Variants in GLMN observed in about 807,000 individuals in gnomAD.
The protein encoded by GLMN is glomulin.
A neutral mutation model predicts 87.8 loss-of-function variants in GLMN; 75 were observed. The observed-to-expected ratio is 0.85, with a 90% CI of 0.71 to 1.04. GLMN has a LOEUF of 1.04. Ranked by LOEUF, GLMN falls within the 50% of genes least tolerant of loss-of-function variation. The probability of loss-of-function intolerance (pLI) is 0.00; values close to 1 mark genes in which losing one functional copy is unlikely to be tolerated. For synonymous variants in GLMN, 206 were observed against 221.6 expected, an observed-to-expected ratio of 0.93 and a Z score of 0.63; for missense variants, 588 against 658.8, an observed-to-expected ratio of 0.89 and a Z score of 1.18.
At chr1:92,362,931 A>T in the GLMN span, among the ~76,000 whole-genome samples, 2 of 152,182 alleles carry the variant, frequency 1.3e-5, no homozygotes, top group African/African-American at 4.8e-5. Flanking sequence ...CAACTTTTAC[A>T]TGCTCCAAAA....
intron 7 of GLMN, among the ~76,000 whole-genome samples, chr1:92,281,032 A>G (rs574166145): frequency 3.3e-5 from 5 of 152,370 alleles, no homozygotes; most frequent in South Asian, 2.1e-4. Context: ...GAACAAAGTT[A>G]GAAAACACTC....
At position 92,290,360 on chromosome 1, in the gene GLMN, CATT is replaced by C. The variant is rs910641720; in HGVS notation, c.286-57_286-55del. 8.8e-6 allele frequency: 9 copies of C among 1,025,066 alleles called. No homozygotes were observed. In the Admixed American group the frequency reaches 1.4e-4, roughly 16 times the overall value. The allele number at this position is 1,025,066 out of a possible 1,614,324, so 63.5% of individuals were successfully genotyped here. On this transcript the variant is annotated intron_variant, in intron 4 of 18. Coordinates refer to ENST00000370360, the MANE Select transcript of GLMN (RefSeq NM_053274.3). ...TTAATACAAGTTGTATTTAAAGCCA[CATT>C]ATTACTATTTTTAAGAAGGCATGTA...
In GLMN at chr1:92,266,670, T is replaced by C. The variant is rs1275065355; in HGVS notation, c.1140+30A>G. 11 of 1,475,548 alleles carry C rather than the reference T, an allele frequency of 7.5e-6. No individual in the cohort carries two copies. The Admixed American group carries it at 1.7e-4, about 23-fold the overall frequency. The allele number at this position is 1,475,548 out of a possible 1,614,324, so 91.4% of individuals were successfully genotyped here. ...TGTCAAATTTTCTCACTGTAACTCA[T>C]TATTCTTTAGTCACCAAATATTTAC... On this transcript the variant is annotated intron_variant, in intron 12 of 18. Coordinates refer to ENST00000370360, the MANE Select transcript of GLMN (RefSeq NM_053274.3).
At chr1:92,322,074 T>G in the GLMN span, among the ~76,000 whole-genome samples, 1 of 150,924 alleles carries the variant, frequency 6.6e-6, no homozygotes, top group Non-Finnish European at 1.5e-5. Flanking sequence ...GCCTCCTGAG[T>G]AACTGGGACT....
chr1:92,355,572 C>T, the GLMN span, among the ~76,000 whole-genome samples: 31 of 152,216 alleles, frequency 2.0e-4, no homozygotes, highest in Admixed American at 5.9e-4. Flanking sequence ...CAGGGAAATA[C>T]TAGTCAGTCA....
intron 16 of GLMN, among the ~76,000 whole-genome samples, chr1:92,260,405 C>T (rs1299984157): frequency 6.6e-6 from 1 of 150,888 alleles, no homozygotes; most frequent in Non-Finnish European, 1.5e-5. Flanking sequence ...CACTTGAGGT[C>T]AGAAGTTTGA....
chr1:92,264,635 G>A lies in GLMN; in HGVS notation c.1218C>T (p.Cys406=), dbSNP rs1655407397. 3 of 1,550,592 alleles carry A rather than the reference G, an allele frequency of 1.9e-6. No individual in the cohort carries two copies. The highest frequency in any genetic ancestry group is 2.7e-5 in the African/African-American group (2 of 73,660). Residue 406 remains cysteine (C), a synonymous_variant, in exon 14 of 19, where the codon TGC becomes TGT. Transcript: ENST00000370360. ...CTGAGTGATTACTTGTATTCAATAA[G>A]CACCTTGAAAGCAAAATTACAATAG... ...DSQGKYTLFR[C]LLNTSNHSGV... is the part of the protein sequence containing the mutation.
chr1:92,265,576 G>C (rs1008204746), intron 13 of GLMN, among the ~76,000 whole-genome samples: 11 of 152,048 alleles, frequency 7.2e-5, no homozygotes, highest in Admixed American at 7.2e-4. Flanking sequence ...AGGAGTTTGA[G>C]ACCAGCCTGG....
chr1:92,348,319 T>C, the GLMN span, among the ~76,000 whole-genome samples: 4 of 152,256 alleles, frequency 2.6e-5, no homozygotes, highest in Non-Finnish European at 4.4e-5. Context: ...TAGTCATTGG[T>C]CAACTGGACA....
intron 3 of GLMN, among the ~76,000 whole-genome samples, 177 bp downstream of exon 3, chr1:92,297,227 C>T (rs1479381849): frequency 6.6e-6 from 1 of 150,618 alleles, no homozygotes; most frequent in Non-Finnish European, 1.5e-5. Flanking sequence ...GCTGTGATTA[C>T]GAACGTGAGC....
intron 7 of GLMN, among the ~76,000 whole-genome samples, chr1:92,278,111 G>A (rs1647511414): frequency 6.6e-6 from 1 of 152,124 alleles, no homozygotes. Context: ...GAAGGGCAGG[G>A]GGCAGGGCAG....
At chr1:92,319,029 C>T in the GLMN span, among the ~76,000 whole-genome samples, 9 of 151,788 alleles carry the variant, frequency 5.9e-5, no homozygotes, top group East Asian at 3.9e-4. Flanking sequence ...GATTTAAACA[C>T]GATTACATGC....
chr1:92,283,032 G>A (rs1570945751), intron 7 of GLMN, among the ~76,000 whole-genome samples: 3 of 152,080 alleles, frequency 2.0e-5, no homozygotes, highest in South Asian at 2.1e-4. Flanking sequence ...ATTCACAGCC[G>A]AATTCTACCA....
intron 9 of GLMN, 66 bp from the exon 10 acceptor site, chr1:92,268,201 G>C: frequency 1.2e-6 from 1 of 860,056 alleles, no homozygotes; most frequent in Non-Finnish European, 1.9e-6. Context: ...TTCATCTTAT[G>C]AAAAATACAG....
Position 92,266,722 on chromosome 1 carries a change from G to T in GLMN, c.1118C>A (p.Thr373Lys). 2 of 1,602,234 alleles carry T rather than the reference G, an allele frequency of 1.2e-6. No homozygotes were observed. Among genetic ancestry groups the T allele is most frequent in the South Asian group, 2.2e-5 (2 of 90,652 alleles). ...TVPQGLVKVM[T>K]LCPIETLRKK... ...TACCAGTGTCTCAATGGGGCAAAGT[G>T]TCATTACTTTCACTAAGCCCTGGAA... Residue 373 changes from threonine (T) to lysine (K), a missense_variant, in exon 12 of 19, where the codon ACA becomes AAA. Coordinates refer to ENST00000370360, the MANE Select transcript of GLMN (RefSeq NM_053274.3).
At chr1:92,363,638 G>A in the GLMN span, 245 of 252,628 alleles carry the variant, frequency 9.7e-4, no homozygotes, top group Non-Finnish European at 1.6e-3. Context: ...ACTTCTATGC[G>A]GATATTTTTC....
At chr1:92,309,536 CACACATACACAT>C in the GLMN span, among the ~76,000 whole-genome samples, 12,062 of 150,954 alleles carry the variant, frequency 0.08, 756 homozygotes, top group African/African-American at 0.18. Flanking sequence ...TGGCAGGCTA[CACACATACACAT>C]ACACATACAC....
chr1:92,275,152 A>G (rs1158080363), intron 7 of GLMN, among the ~76,000 whole-genome samples: 2 of 152,030 alleles, frequency 1.3e-5, no homozygotes, highest in Non-Finnish European at 2.9e-5. Flanking sequence ...GTCTTCCACC[A>G]TCTCTTTCCT....
chr1:92,289,083 A>G lies in GLMN; in HGVS notation c.463T>C (p.Ser155Pro). The G allele has an allele frequency of 6.2e-7, 1 of 1,612,444 alleles. No individual in the cohort carries two copies. The highest frequency in any genetic ancestry group is 8.5e-7 in the Non-Finnish European group (1 of 1,178,502). The stretch of plus-strand genomic sequence containing the variant: ...TTTGAGTATGGAACAGGAAGAAGAG[A>G]TAGCTGATTCCAAAGGGTAGACAAT... ...LALSTLWNQL[S>P]LLPVPYSKEQ... Residue 155 changes from serine (S) to proline (P), a missense_variant, in exon 6 of 19, where the codon TCT (serine) becomes CCT (proline). Transcript: ENST00000370360.
Sources: gnomAD v4.1 joint callset for allele counts (sites outside exome capture counted in the v4.1 genomes callset) on GRCh38, gnomAD v4.1.1 for gene constraint, MANE v1.5 for transcripts, NCBI Gene and HGNC (gene_info 2026-07-23, HGNC 2026-07-21) for gene names.